Variants in CNIH1 observed in about 807,000 individuals in gnomAD.
The protein encoded by CNIH1 is protein cornichon homolog 1.
In CNIH1, 12 loss-of-function variants were observed where a neutral mutation model predicts 20.2. The observed-to-expected ratio is 0.59, with a 90% CI of 0.38 to 0.96. CNIH1 has a LOEUF of 0.96. CNIH1 is among the 40% of genes least tolerant of loss of function. CNIH1 has a pLI of 0.00. For missense variants in CNIH1, 152 were observed against 178.8 expected (o/e 0.85, Z 0.85); for synonymous variants, 69 against 63.3 (o/e 1.09, Z -0.43).
intron 2 of CNIH1, among the ~76,000 whole-genome samples, chr14:54,432,768 TA>T (rs1347800005): frequency 6.6e-6 from 1 of 152,174 alleles, no homozygotes; most frequent in Non-Finnish European, 1.5e-5. Flanking sequence ...AATCAGCCAA[TA>T]ATCTCAGCAC....
At chr14:54,437,678 TA>T (rs199875640) in intron 1 of CNIH1, among the ~76,000 whole-genome samples, 165 of 146,970 alleles carry the variant, frequency 1.1e-3, no homozygotes, top group African/African-American at 1.1e-3. Flanking sequence ...CACTAGGGAT[TA>T]AAAAAAAAAA....
chr14:54,441,234 C>G lies in CNIH1; in HGVS notation c.81+13G>C. 2 of 1,505,502 alleles carry G rather than the reference C, an allele frequency of 1.3e-6. No individual in the cohort carries two copies. The highest frequency in any genetic ancestry group is 1.8e-6 in the Non-Finnish European group (2 of 1,125,016). The allele number at this position is 1,505,502 out of a possible 1,614,324, so 93.3% of individuals were successfully genotyped here. On this transcript the variant is annotated intron_variant, in intron 1 of 4. Coordinates refer to ENST00000216416, the MANE Select transcript of CNIH1 (RefSeq NM_005776.3). ...GCCGCCTCGCCCTCCTTTCCCCAGCCCCAGCTACTCACGTGCCAAATGGCG... is the reference window on the plus strand; with the variant it reads ...GCCGCCTCGCCCTCCTTTCCCCAGCGCCAGCTACTCACGTGCCAAATGGCG...
chr14:54,441,348 G>A lies in CNIH1; in HGVS notation c.-21C>T, dbSNP rs1594621469. On this transcript the variant is annotated 5_prime_UTR_variant, in exon 1 of 5. Coordinates refer to ENST00000216416, the MANE Select transcript of CNIH1 (RefSeq NM_005776.3). The stretch of plus-strand genomic sequence containing the variant: ...GCCATGGCTGGGGAGGAGGAGCGGG[G>A]AGCGGCGCCGTTGCCAGCGGAGAAA... The A allele has an allele frequency of 3.4e-6, 5 of 1,486,366 alleles. No homozygotes were observed. The highest frequency in any genetic ancestry group is 5.6e-5 in the East Asian group (2 of 35,736). 92.1% of individuals were successfully genotyped at this position (1,486,366 alleles called of 1,614,324 possible).
intron 4 of CNIH1, among the ~76,000 whole-genome samples, chr14:54,429,595 C>A (rs1483813572): frequency 6.6e-6 from 1 of 152,128 alleles, no homozygotes; most frequent in Non-Finnish European, 1.5e-5. Flanking sequence ...TCTGTCTCTA[C>A]TAAAAATACA....
At chr14:54,439,517 T>C (rs904582251) in intron 1 of CNIH1, among the ~76,000 whole-genome samples, 1 of 151,788 alleles carries the variant, frequency 6.6e-6, no homozygotes, top group Non-Finnish European at 1.5e-5. Context: ...AAGCTACATC[T>C]ACAGATGGAA....
chr14:54,432,108 C>A lies in CNIH1; in HGVS notation c.263G>T (p.Arg88Met). ...TATTAAAAGTGTATCTAAATATTAC[C>A]TCCAAATATGATATGCCAAGAGGGG... ...NMPLLAYHIWRYMSRPVMSGP... is the reference protein window; with the variant it reads ...NMPLLAYHIWMYMSRPVMSGP... The change falls in exon 3 of 5, where the codon AGG (arginine) becomes ATG (methionine). Residue 88 changes from arginine (R) to methionine (M), a missense_variant and splice_region_variant. Coordinates refer to ENST00000216416, the MANE Select transcript of CNIH1 (RefSeq NM_005776.3). The A allele has an allele frequency of 7.0e-7, 1 of 1,428,532 alleles. No homozygotes were observed. The highest frequency in any genetic ancestry group is 9.3e-7 in the Non-Finnish European group (1 of 1,073,414). The allele number at this position is 1,428,532 out of a possible 1,614,324, so 88.5% of individuals were successfully genotyped here.
At chr14:54,432,749 T>C (rs2030974470) in intron 2 of CNIH1, among the ~76,000 whole-genome samples, 1 of 152,184 alleles carries the variant, frequency 6.6e-6, no homozygotes, top group African/African-American at 2.4e-5. Context: ...AATTTTTTAA[T>C]GGAAAGCCAA....
chr14:54,437,058 A>G (rs1453547724), intron 1 of CNIH1, among the ~76,000 whole-genome samples: 1 of 152,200 alleles, frequency 6.6e-6, no homozygotes, highest in Non-Finnish European at 1.5e-5. Context: ...GAACTCTTCA[A>G]TGTGTTCCCA....
In CNIH1 at chr14:54,423,747, C is replaced by T. The variant is rs1262577650; in HGVS notation, c.*4067G>A. 2 of 152,116 alleles carry T rather than the reference C, an allele frequency of 1.3e-5. No individual in the cohort carries two copies. Among genetic ancestry groups the T allele is most frequent in the African/African-American group, 4.8e-5 (2 of 41,412 alleles). 9.4% of individuals were successfully genotyped at this position (152,116 alleles called of 1,614,324 possible). ...TCTCTTAGTAGTTTTAGGGTCTGCC[C>T]AGTAATCAAGAAATTTTACTTCTCC... is the stretch of plus-strand genomic sequence containing the variant. On this transcript the variant is annotated 3_prime_UTR_variant, in exon 5 of 5. Transcript: ENST00000216416.
chr14:54,438,369 T>G (rs571020598), intron 1 of CNIH1, among the ~76,000 whole-genome samples: 4 of 152,206 alleles, frequency 2.6e-5, no homozygotes, highest in African/African-American at 9.6e-5. Flanking sequence ...ATATTCTTAA[T>G]GATTTTCAAA....
Position 54,436,349 on chromosome 14 carries a change from AATCCTAT to A in CNIH1, c.150+13_150+19del, listed in dbSNP as rs1594618768. ...AACATATTTTTAAAATCTAAAGATA[AATCCTAT>A]ATTATAACTTACGGGATTCAGGGTA... On this transcript the variant is annotated intron_variant, in intron 2 of 4. Transcript: ENST00000216416. 2 of 1,342,326 alleles carry A rather than the reference AATCCTAT, an allele frequency of 1.5e-6. No individual in the cohort carries two copies. The highest frequency in any genetic ancestry group is 1.1e-6 in the Non-Finnish European group (1 of 940,908). 83.2% of individuals were successfully genotyped at this position (1,342,326 alleles called of 1,614,324 possible). A position where few individuals can be genotyped will look rare whatever the true frequency, so the allele number is the denominator to read the frequency against.
intron 4 of CNIH1, 90 bp from the exon 5 acceptor site, chr14:54,427,931 C>T: frequency 8.4e-7 from 1 of 1,193,400 alleles, no homozygotes; most frequent in Non-Finnish European, 1.2e-6. Flanking sequence ...ATATAGCAAA[C>T]TAGTATCACA....
intron 4 of CNIH1, among the ~76,000 whole-genome samples, chr14:54,429,235 A>C (rs2030884358): frequency 6.6e-6 from 1 of 152,212 alleles, no homozygotes; most frequent in African/African-American, 2.4e-5. Flanking sequence ...CACCCAGGGC[A>C]ATTTTGCCCC....
intron 2 of CNIH1, chr14:54,436,122 A>G (rs1323211498): frequency 1.4e-6 from 1 of 702,990 alleles, no homozygotes; most frequent in Admixed American, 2.0e-5. Context: ...GACCTTTTCA[A>G]CTGTCTTTGG....
chr14:54,430,690 T>C (rs1192266486), intron 3 of CNIH1, among the ~76,000 whole-genome samples: 13 of 152,236 alleles, frequency 8.5e-5, no homozygotes, highest in African/African-American at 4.8e-5. Flanking sequence ...TGTTTTTACT[T>C]ATCTTGGCAT....
intron 1 of CNIH1, 102 bp downstream of exon 1, chr14:54,441,145 C>G (rs28734951): frequency 0.14 from 172,822 of 1,202,772 alleles, 13,295 homozygotes; most frequent in Non-Finnish European, 0.15. Context: ...GCATCCCCGA[C>G]GCGCAAAGCC....
intron 4 of CNIH1, among the ~76,000 whole-genome samples, chr14:54,428,820 C>T (rs1374458527): frequency 6.6e-6 from 1 of 152,158 alleles, no homozygotes; most frequent in African/African-American, 2.4e-5. Flanking sequence ...CTCATTTTCA[C>T]AGTAATAGCC....
intron 1 of CNIH1, among the ~76,000 whole-genome samples, chr14:54,437,885 T>C (rs1244563190): frequency 6.6e-6 from 1 of 152,130 alleles, no homozygotes; most frequent in Non-Finnish European, 1.5e-5. Context: ...TAATCATAAG[T>C]ACTTGTCTAT....
intron 1 of CNIH1, among the ~76,000 whole-genome samples, chr14:54,440,263 A>C (rs1432691537): frequency 6.6e-6 from 1 of 152,248 alleles, no homozygotes; most frequent in Non-Finnish European, 1.5e-5. Flanking sequence ...TCAAATTAAA[A>C]GCAACATTCC....
Sources: allele counts gnomAD v4.1 joint callset (sites outside exome capture counted in the v4.1 genomes callset), GRCh38; gene constraint gnomAD v4.1.1; transcripts MANE v1.5; gene names NCBI Gene and HGNC (gene_info 2026-07-23, HGNC 2026-07-21).